The following CPQ variants were observed in gnomAD, a reference collection of about 807,000 sequenced individuals.
CPQ encodes Ser-Met dipeptidase.
A neutral mutation model predicts 45.7 loss-of-function variants in CPQ; 37 were observed. That is an observed-to-expected ratio of 0.81 (90% CI 0.62 to 1.07). CPQ has a LOEUF of 1.07. Ranked by LOEUF, CPQ falls within the 50% of genes least tolerant of loss-of-function variation. The pLI, the probability that CPQ is intolerant of heterozygous loss-of-function variation, is 0.00. For missense variants in CPQ, 537 were observed against 572.9 expected, an observed-to-expected ratio of 0.94 and a Z score of 0.64; for synonymous variants, 186 against 205.8, an observed-to-expected ratio of 0.90 and a Z score of 0.82.
chr8:97,065,615 T>C (rs982764024), intron 6 of CPQ, among the ~76,000 whole-genome samples: 2 of 152,210 alleles, frequency 1.3e-5, no homozygotes, highest in African/African-American at 2.4e-5. Flanking sequence ...ATACCTTCTT[T>C]TGTCTGAGCA....
At chr8:96,711,993 G>A (rs1219512617) in intron 1 of CPQ, among the ~76,000 whole-genome samples, 1 of 152,116 alleles carries the variant, frequency 6.6e-6, no homozygotes, top group Non-Finnish European at 1.5e-5. Flanking sequence ...TAGATACAAT[G>A]GGGATACAGA....
At chr8:96,904,268 A>C (rs1333544654) in intron 4 of CPQ, among the ~76,000 whole-genome samples, 1 of 152,168 alleles carries the variant, frequency 6.6e-6, no homozygotes, top group Admixed American at 6.6e-5. Flanking sequence ...TCATGACATA[A>C]ATAGGGCCAC....
chr8:97,099,746 C>A (rs191964565), intron 7 of CPQ, among the ~76,000 whole-genome samples: 1 of 152,124 alleles, frequency 6.6e-6, no homozygotes, highest in Non-Finnish European at 1.5e-5. Flanking sequence ...CATGTCTCTG[C>A]GAAATGGATA....
chr8:96,820,689 G>A (rs530364916), intron 2 of CPQ, among the ~76,000 whole-genome samples: 23 of 151,988 alleles, frequency 1.5e-4, no homozygotes, highest in African/African-American at 4.8e-4. Context: ...TATATATATG[G>A]CGTTTTCTTT....
intron 4 of CPQ, among the ~76,000 whole-genome samples, chr8:96,944,432 A>G (rs1233448591): frequency 6.6e-6 from 1 of 152,140 alleles, no homozygotes; most frequent in African/African-American, 2.4e-5. Flanking sequence ...AAAGTTTGAA[A>G]ATATAATCAA....
At chr8:96,971,189 A>T (rs1025708905) in intron 5 of CPQ, among the ~76,000 whole-genome samples, 9 of 152,188 alleles carry the variant, frequency 5.9e-5, no homozygotes, top group Non-Finnish European at 1.2e-4. Flanking sequence ...ATTTGTTTTC[A>T]TTCTAGATTT....
chr8:96,910,797 C>T (rs951672074), intron 4 of CPQ, among the ~76,000 whole-genome samples: 1 of 152,156 alleles, frequency 6.6e-6, no homozygotes, highest in Non-Finnish European at 1.5e-5. Context: ...AGCCACCGCG[C>T]CCGGCTGAAG....
chr8:96,962,165 C>A (rs1156822043), intron 4 of CPQ, among the ~76,000 whole-genome samples: 1 of 152,144 alleles, frequency 6.6e-6, no homozygotes, highest in Non-Finnish European at 1.5e-5. Flanking sequence ...GCCCTCATTC[C>A]CAAGGTAGTC....
At chr8:96,824,474 T>A (rs1341499481) in intron 2 of CPQ, among the ~76,000 whole-genome samples, 1 of 152,066 alleles carries the variant, frequency 6.6e-6, no homozygotes, top group African/African-American at 2.4e-5. Flanking sequence ...GAATTTATAT[T>A]GAATCTATAC....
chr8:97,071,538 CTA>C, intron 7 of CPQ, among the ~76,000 whole-genome samples: 1 of 152,240 alleles, frequency 6.6e-6, no homozygotes, highest in East Asian at 1.9e-4. Flanking sequence ...CAAATCCCTG[CTA>C]TTTCTTAAAC....
At chr8:97,104,047 CAGGGATTTTCTGAGAATT>C (rs369744269) in intron 7 of CPQ, among the ~76,000 whole-genome samples, 1 of 152,118 alleles carries the variant, frequency 6.6e-6, no homozygotes, top group Non-Finnish European at 1.5e-5. Flanking sequence ...ACTCAGCTTG[CAGGGATTTTCTGAGAATT>C]AGGGATTTTC....
In CPQ at chr8:96,784,977, G is replaced by T. The variant is rs773010520; in HGVS notation, c.80G>T (p.Gly27Val). ...TCTGGGAAAGCTATATGCAAGAATG[G>T]CATCTCTAAGAGGACTTTTGAAGAA... ...LCSGKAICKN[G>V]ISKRTFEEIK... The change falls in exon 2 of 8, where the codon GGC becomes GTC. Residue 27 changes from glycine (G) to valine (V), a missense_variant. By Grantham distance (109) the Gly-to-Val change is moderately radical. Transcript: ENST00000220763. 6 of 1,613,654 alleles carry T rather than the reference G, an allele frequency of 3.7e-6. No individual in the cohort carries two copies. The highest frequency in any genetic ancestry group is 1.1e-5 in the South Asian group (1 of 91,070).
chr8:96,978,205 G>A (rs1358577536), intron 5 of CPQ, among the ~76,000 whole-genome samples: 6 of 152,050 alleles, frequency 3.9e-5, no homozygotes, highest in Non-Finnish European at 2.9e-5. Flanking sequence ...ATTGCTGAGA[G>A]CTTTTCCTAA....
At chr8:96,797,080 A>G (rs1465758136) in intron 2 of CPQ, among the ~76,000 whole-genome samples, 1 of 152,220 alleles carries the variant, frequency 6.6e-6, no homozygotes, top group Non-Finnish European at 1.5e-5. Context: ...TGCCTTTCCT[A>G]GATTAAGCAA....
chr8:96,875,668 A>G (rs1276960877), intron 3 of CPQ, among the ~76,000 whole-genome samples: 2 of 151,922 alleles, frequency 1.3e-5, no homozygotes, highest in Non-Finnish European at 2.9e-5. Context: ...CTATCCTTAT[A>G]CCAGTACCAT....
chr8:97,042,080 C>A (rs1489024903), intron 6 of CPQ, among the ~76,000 whole-genome samples: 2 of 152,144 alleles, frequency 1.3e-5, no homozygotes, highest in Admixed American at 1.3e-4. Flanking sequence ...CTCCTTGTAC[C>A]TCTGGTAGAA....
intron 7 of CPQ, among the ~76,000 whole-genome samples, chr8:97,089,589 C>T (rs930985796): frequency 1.3e-4 from 20 of 152,174 alleles, no homozygotes; most frequent in Non-Finnish European, 2.1e-4. Flanking sequence ...CTTGAGATCC[C>T]TTTCTGCTGG....
intron 7 of CPQ, among the ~76,000 whole-genome samples, chr8:97,098,177 T>C (rs948197731): frequency 6.6e-6 from 1 of 152,170 alleles, no homozygotes; most frequent in East Asian, 1.9e-4. Context: ...CACTACTCTC[T>C]TTTTCCTGGA....
At chr8:96,727,130 G>A (rs190110987) in intron 1 of CPQ, among the ~76,000 whole-genome samples, 1 of 152,202 alleles carries the variant, frequency 6.6e-6, no homozygotes, top group East Asian at 1.9e-4. Context: ...GTTCTTTTGG[G>A]TATACACTTA....
Sources: gnomAD v4.1 joint callset for allele counts (sites outside exome capture counted in the v4.1 genomes callset) on GRCh38, gnomAD v4.1.1 for gene constraint, MANE v1.5 for transcripts, NCBI Gene and HGNC (gene_info 2026-07-23, HGNC 2026-07-21) for gene names.